The following ELAVL4 variants were observed in gnomAD, a reference collection of about 807,000 sequenced individuals.
The protein encoded by ELAVL4 is ELAV-like protein 4.
Under a neutral mutation model 35.6 loss-of-function variants are expected in ELAVL4, and 1 was observed. The ratio of observed to expected loss-of-function variants is 0.03; its 90% CI spans 0.01 to 0.13. The LOEUF (loss-of-function observed/expected upper bound fraction) is 0.13, where lower values mean the gene tolerates loss of function less well. ELAVL4 is among the 10% of genes least tolerant of loss of function. The pLI is 1.00. For missense variants in ELAVL4, 267 were observed against 464.9 expected, an observed-to-expected ratio of 0.57 and a Z score of 3.91; for synonymous variants, 156 against 171.0, an observed-to-expected ratio of 0.91 and a Z score of 0.69.
intron 2 of ELAVL4, among the ~76,000 whole-genome samples, chr1:50,146,244 G>T (rs1230039165): frequency 6.6e-6 from 1 of 151,860 alleles, no homozygotes; most frequent in Non-Finnish European, 1.5e-5. Context: ...CTATATGTGT[G>T]TGTGTAGATA....
At chr1:50,142,093 C>T (rs937766932) in intron 1 of ELAVL4, among the ~76,000 whole-genome samples, 5 of 152,188 alleles carry the variant, frequency 3.3e-5, no homozygotes, top group African/African-American at 1.2e-4. Context: ...GATAACCCTG[C>T]GTGGCAAGCT....
At chr1:50,050,908 G>A (rs571687074) in intron 1 of ELAVL4, among the ~76,000 whole-genome samples, 1 of 152,174 alleles carries the variant, frequency 6.6e-6, no homozygotes, top group East Asian at 1.9e-4. Flanking sequence ...ACAGTACCAG[G>A]CACATGGTAA....
intron 1 of ELAVL4, among the ~76,000 whole-genome samples, chr1:50,082,791 C>A (rs1317994370): frequency 6.6e-6 from 1 of 152,194 alleles, no homozygotes; most frequent in Non-Finnish European, 1.5e-5. Flanking sequence ...TGATCTATAA[C>A]TATGGAACAG....
intron 1 of ELAVL4, among the ~76,000 whole-genome samples, chr1:50,056,775 T>A (rs528306084): frequency 5.3e-5 from 8 of 152,146 alleles, no homozygotes; most frequent in Admixed American, 2.0e-4. Flanking sequence ...CTACTAAATA[T>A]ACAAAAATTA....
intron 2 of ELAVL4, among the ~76,000 whole-genome samples, chr1:50,148,080 G>GGATACT (rs1674060314): frequency 6.6e-6 from 1 of 152,204 alleles, no homozygotes; most frequent in African/African-American, 2.4e-5. Flanking sequence ...CACTTCATCT[G>GGATACT]TGCTGGATAC....
intron 6 of ELAVL4, among the ~76,000 whole-genome samples, chr1:50,200,192 G>C (rs1264142301): frequency 6.6e-6 from 1 of 151,948 alleles, no homozygotes; most frequent in East Asian, 1.9e-4. Flanking sequence ...AGCAAGAAAG[G>C]CCTGTTCATT....
rs1350636054 is a variant in ELAVL4 at position 50,195,669 on chromosome 1, C to A, written c.617C>A (p.Thr206Asn). 2 of 1,614,052 alleles carry A rather than the reference C, an allele frequency of 1.2e-6. No homozygotes were observed. The highest frequency in any genetic ancestry group is 1.7e-6 in the Non-Finnish European group (2 of 1,180,016). The change falls in exon 5 of 7, where the codon ACT (threonine) becomes AAT (asparagine). Residue 206 changes from threonine to asparagine, a missense_variant. Coordinates refer to ENST00000371824, the MANE Select transcript of ELAVL4 (RefSeq NM_001144774.3). ...CCCAGCGGTGCTACGGAACCGATTA[C>A]TGTGAAGTTTGCCAACAACCCCAGC... is the stretch of plus-strand genomic sequence containing the variant. ...QKPSGATEPI[T>N]VKFANNPSQK...
chr1:50,109,015 T>TCGGGGGCCGC lies in ELAVL4; in HGVS notation c.-174_-173insGGGGGCCGCC. The TCGGGGGCCGC allele has an allele frequency of 1.0e-6, 1 of 961,076 alleles. No individual in the cohort carries two copies. Among genetic ancestry groups the TCGGGGGCCGC allele is most frequent in the Non-Finnish European group, 1.2e-6 (1 of 816,956 alleles). 59.5% of individuals were successfully genotyped at this position (961,076 alleles called of 1,614,324 possible). On this transcript the variant is annotated 5_prime_UTR_variant, in exon 1 of 7. Transcript: ENST00000371824. ...GCTCCTTTTCTTTTTTTTCTTTCTC[T>TCGGGGGCCGC]CCCCCGCCCACCCCCCCAAAAATAA...
chr1:50,080,914 A>G (rs1440725406), intron 1 of ELAVL4, among the ~76,000 whole-genome samples: 1 of 152,194 alleles, frequency 6.6e-6, no homozygotes, highest in African/African-American at 2.4e-5. Flanking sequence ...AAGCCTTTGT[A>G]CTTAAAACTT....
At chr1:50,120,959 C>T (rs973910100) in intron 1 of ELAVL4, among the ~76,000 whole-genome samples, 11 of 152,012 alleles carry the variant, frequency 7.2e-5, no homozygotes, top group African/African-American at 2.4e-4. Flanking sequence ...CTTGCAAGTA[C>T]ACGTACCAAA....
chr1:50,200,992 C>A lies in ELAVL4; in HGVS notation c.915C>A (p.Pro305=). The change falls in exon 7 of 7, where the codon CCC becomes CCA. Residue 305 remains proline, a synonymous_variant. Coordinates refer to ENST00000371824, the MANE Select transcript of ELAVL4 (RefSeq NM_001144774.3). ...GTGTCCTCTGGCAGCTCTTTGGCCC[C>A]TTTGGAGCAGTGAACAACGTAAAGG... The part of the protein sequence containing the change: ...DESVLWQLFG[P]FGAVNNVKVI... The A allele has an allele frequency of 6.2e-7, 1 of 1,614,104 alleles. No homozygotes were observed. Among genetic ancestry groups the A allele is most frequent in the Admixed American group, 1.7e-5 (1 of 60,014 alleles).
At chr1:50,182,394 A>T (rs146751609) in intron 3 of ELAVL4, among the ~76,000 whole-genome samples, 1 of 152,258 alleles carries the variant, frequency 6.6e-6, no homozygotes, top group African/African-American at 2.4e-5. Flanking sequence ...TTTTGACCTA[A>T]ATGTCAGGAG....
At chr1:50,165,866 A>G (rs1677807654) in intron 2 of ELAVL4, among the ~76,000 whole-genome samples, 1 of 151,766 alleles carries the variant, frequency 6.6e-6, no homozygotes, top group South Asian at 2.1e-4. Context: ...ATTAAGTATT[A>G]ACATACACAA....
intron 3 of ELAVL4, among the ~76,000 whole-genome samples, chr1:50,183,177 T>C (rs1217315448): frequency 6.6e-6 from 1 of 152,166 alleles, no homozygotes; most frequent in Non-Finnish European, 1.5e-5. Flanking sequence ...CCTTTTTTTA[T>C]TGTATTATAT....
intron 1 of ELAVL4, among the ~76,000 whole-genome samples, chr1:50,121,827 AC>A (rs1392398546): frequency 6.6e-6 from 1 of 152,064 alleles, no homozygotes; most frequent in Non-Finnish European, 1.5e-5. Context: ...CTCTTTATTA[AC>A]CAAAGTATTT....
At chr1:50,159,517 G>A (rs1380240375) in intron 2 of ELAVL4, among the ~76,000 whole-genome samples, 1 of 152,000 alleles carries the variant, frequency 6.6e-6, no homozygotes, top group East Asian at 1.9e-4. Flanking sequence ...ACTGAGGCAC[G>A]AGAATCACTT....
At chr1:50,070,700 C>T (rs1187324034) in intron 1 of ELAVL4, among the ~76,000 whole-genome samples, 2 of 145,808 alleles carry the variant, frequency 1.4e-5, no homozygotes, top group African/African-American at 5.2e-5. Context: ...GAGATCGTGC[C>T]ACTGCACTCC....
upstream of ELAVL4, among the ~76,000 whole-genome samples, chr1:50,099,990 C>T (rs188279361): frequency 1.3e-5 from 2 of 152,286 alleles, no homozygotes; most frequent in East Asian, 3.9e-4. Flanking sequence ...TAGAGTAACA[C>T]AGAAAATAAG....
At chr1:50,189,292 C>T (rs552296288) in intron 3 of ELAVL4, among the ~76,000 whole-genome samples, 6 of 152,354 alleles carry the variant, frequency 3.9e-5, no homozygotes, top group Admixed American at 3.9e-4. Context: ...CCAGGCCAAG[C>T]CCTGTGTATG....
Sources: allele counts gnomAD v4.1 joint callset (sites outside exome capture counted in the v4.1 genomes callset), GRCh38; gene constraint gnomAD v4.1.1; transcripts MANE v1.5; gene names NCBI Gene and HGNC (gene_info 2026-07-23, HGNC 2026-07-21).